Variants in FILIP1 observed in about 807,000 individuals in gnomAD.
FILIP1 encodes filamin A interacting protein 1, also known as filamin-A-interacting protein 1.
Under a neutral mutation model 102.1 loss-of-function variants are expected in FILIP1, and 61 were observed. The ratio of observed to expected loss-of-function variants is 0.60; its 90% CI spans 0.49 to 0.74. The LOEUF (loss-of-function observed/expected upper bound fraction) is 0.74, where lower values mean the gene tolerates loss of function less well. Ranked by LOEUF, FILIP1 falls within the 30% of genes least tolerant of loss-of-function variation. FILIP1 has a pLI of 0.00. For missense variants in FILIP1, 1,314 were observed against 1,441.2 expected, an observed-to-expected ratio of 0.91 and a Z score of 1.43; for synonymous variants, 491 against 526.9, an observed-to-expected ratio of 0.93 and a Z score of 0.93.
intron 1 of FILIP1, among the ~76,000 whole-genome samples, chr6:75,439,474 A>T (rs1461810666): frequency 6.6e-6 from 1 of 152,260 alleles, no homozygotes; most frequent in Non-Finnish European, 1.5e-5. Flanking sequence ...CAATGTGCAA[A>T]CATACGTGGA....
At chr6:75,396,205 A>G (rs1242113754) in intron 2 of FILIP1, among the ~76,000 whole-genome samples, 1 of 151,820 alleles carries the variant, frequency 6.6e-6, no homozygotes, top group East Asian at 1.9e-4. Context: ...GTAGTGAAAG[A>G]TAAGGCTGAA....
intron 1 of FILIP1, among the ~76,000 whole-genome samples, chr6:75,462,184 C>A (rs1166855611): frequency 1.3e-5 from 2 of 152,078 alleles, no homozygotes; most frequent in Non-Finnish European, 2.9e-5. Context: ...TCTTTAGGGC[C>A]CAGCTCCAGA....
intron 3 of FILIP1, among the ~76,000 whole-genome samples, chr6:75,358,805 CT>C (rs2149608345): frequency 6.8e-6 from 1 of 146,370 alleles, no homozygotes; most frequent in East Asian, 2.1e-4. Context: ...TCACTGCAAC[CT>C]TTGCCTCCCA....
intron 1 of FILIP1, among the ~76,000 whole-genome samples, chr6:75,492,873 G>C (rs1257933980): frequency 6.6e-6 from 1 of 152,160 alleles, no homozygotes; most frequent in African/African-American, 2.4e-5. Flanking sequence ...GGTGACTCTA[G>C]TGTAACGAGG....
At chr6:75,296,767 T>G (rs911357217) in intron 6 of FILIP1, 1 of 151,866 alleles carries the variant, frequency 6.6e-6, no homozygotes, top group Non-Finnish European at 1.5e-5. Context: ...CTATATGTTT[T>G]AAAATATAAA....
intron 4 of FILIP1, among the ~76,000 whole-genome samples, chr6:75,334,406 T>A (rs1032965918): frequency 6.6e-6 from 1 of 152,166 alleles, no homozygotes; most frequent in Non-Finnish European, 1.5e-5. Context: ...TTTTCAAGGC[T>A]TGTCACCATC....
intron 1 of FILIP1, among the ~76,000 whole-genome samples, chr6:75,439,999 T>C (rs1444258361): frequency 6.6e-6 from 1 of 152,224 alleles, no homozygotes; most frequent in East Asian, 1.9e-4. Context: ...CATGACCACA[T>C]ATTATTGCTA....
intron 2 of FILIP1, among the ~76,000 whole-genome samples, chr6:75,365,221 A>G (rs1441897037): frequency 1.3e-5 from 2 of 151,984 alleles, no homozygotes; most frequent in East Asian, 1.9e-4. Flanking sequence ...TAATTTTAAT[A>G]TAAAAAAATT....
intron 4 of FILIP1, among the ~76,000 whole-genome samples, chr6:75,330,010 G>A (rs1168558419): frequency 6.6e-6 from 1 of 152,066 alleles, no homozygotes; most frequent in Non-Finnish European, 1.5e-5. Context: ...TAAGGTAATG[G>A]CCCTAATATA....
intron 4 of FILIP1, among the ~76,000 whole-genome samples, chr6:75,340,383 A>G (rs766430305): frequency 4.6e-5 from 7 of 152,214 alleles, no homozygotes; most frequent in African/African-American, 9.6e-5. Context: ...ACTAAAATAC[A>G]ATCAGTTGTT....
chr6:75,436,861 C>T (rs1444056264), intron 1 of FILIP1, among the ~76,000 whole-genome samples: 1 of 152,166 alleles, frequency 6.6e-6, no homozygotes, highest in East Asian at 1.9e-4. Context: ...TGATTGGTAG[C>T]ATTTGCACTT....
intron 1 of FILIP1, among the ~76,000 whole-genome samples, chr6:75,449,965 A>C (rs1778567755): frequency 6.6e-6 from 1 of 152,058 alleles, no homozygotes; most frequent in Non-Finnish European, 1.5e-5. Context: ...ACAGGGTCTC[A>C]CTCTGTCACC....
intron 2 of FILIP1, among the ~76,000 whole-genome samples, chr6:75,410,334 AT>A (rs1224000999): frequency 2.0e-4 from 30 of 150,092 alleles, no homozygotes; most frequent in Admixed American, 8.6e-4. Flanking sequence ...ATTCAGAAAG[AT>A]TTTTTTTTTC....
chr6:75,353,827 T>A, intron 3 of FILIP1, 110 bp from the exon 4 acceptor site: 1 of 1,058,806 alleles, frequency 9.4e-7, no homozygotes, highest in Non-Finnish European at 1.3e-6. Context: ...GCGAGAACAG[T>A]GAGTCTGGTA....
At chr6:75,479,911 C>T (rs1172958110) in intron 1 of FILIP1, among the ~76,000 whole-genome samples, 1 of 125,290 alleles carries the variant, frequency 8.0e-6, no homozygotes, top group East Asian at 2.3e-4. Context: ...ATATTAAGGA[C>T]ATTTGTTCCT....
intron 1 of FILIP1, among the ~76,000 whole-genome samples, chr6:75,451,171 T>C (rs1222333383): frequency 6.6e-6 from 1 of 151,222 alleles, no homozygotes; most frequent in Middle Eastern, 3.2e-3. Context: ...TTGATCTGTA[T>C]AAACAGTATA....
At chr6:75,308,933 G>A in intron 5 of FILIP1, 36 bp from the exon 6 acceptor site, 1 of 1,607,604 alleles carries the variant, frequency 6.2e-7, no homozygotes, top group South Asian at 1.1e-5. Context: ...CAAGGGAGAT[G>A]TTGGTGAGTT....
intron 1 of FILIP1, among the ~76,000 whole-genome samples, chr6:75,426,101 G>A (rs1482874974): frequency 6.6e-6 from 1 of 151,896 alleles, no homozygotes; most frequent in African/African-American, 2.4e-5. Flanking sequence ...GGCTGGAGTT[G>A]ACTCTTAGTT....
At chr6:75,318,473 T>G (rs1773521274) in intron 4 of FILIP1, among the ~76,000 whole-genome samples, 1 of 152,060 alleles carries the variant, frequency 6.6e-6, no homozygotes, top group Non-Finnish European at 1.5e-5. Context: ...TGGTGTCAAG[T>G]GATCCTCCTG....
Sources: gnomAD v4.1 joint callset for allele counts (sites outside exome capture counted in the v4.1 genomes callset) on GRCh38, gnomAD v4.1.1 for gene constraint, MANE v1.5 for transcripts, NCBI Gene and HGNC (gene_info 2026-07-23, HGNC 2026-07-21) for gene names.